TRAPPC9: variants seen among roughly 807,000 people sequenced by gnomAD.
The protein encoded by TRAPPC9 is trafficking protein particle complex subunit 9, also known as IKK2 binding protein.
In TRAPPC9, 83 loss-of-function variants were observed where a neutral mutation model predicts 124.0. That is an observed-to-expected ratio of 0.67 (90% confidence interval 0.56 to 0.80). TRAPPC9 has a LOEUF of 0.80. Ranked by LOEUF, TRAPPC9 falls within the 30% of genes least tolerant of loss-of-function variation. The pLI is 0.00. For missense variants in TRAPPC9, 1,302 were observed against 1,508.3 expected (o/e 0.86, Z 2.27); for synonymous variants, 638 against 617.5 (o/e 1.03, Z -0.49).
chr8:140,123,250 C>G (rs1296061629), intron 17 of TRAPPC9, among the ~76,000 whole-genome samples: 4 of 152,166 alleles, frequency 2.6e-5, no homozygotes, highest in Non-Finnish European at 4.4e-5. Flanking sequence ...CACTCTCACC[C>G]AAGCTCACAA....
Position 140,426,649 on chromosome 8 carries a change from A to G in TRAPPC9, c.860-8T>C. 6.2e-7 allele frequency: 1 copy of G among 1,613,500 alleles called. No individual in the cohort carries two copies. The highest frequency in any genetic ancestry group is 8.5e-7 in the Non-Finnish European group (1 of 1,179,494). On this transcript the variant is annotated splice_region_variant and splice_polypyrimidine_tract_variant and intron_variant, in intron 4 of 22. Transcript: ENST00000438773. ...TGAGAACTTCCTGTGCCCCTGGAAG[A>G]AAGAACAGATTATGGTATTTTATTT...
At chr8:140,033,657 G>GTTTTTTTTTTTTTTTTTTTT in intron 17 of TRAPPC9, among the ~76,000 whole-genome samples, 1 of 49,264 alleles carries the variant, frequency 2.0e-5, no homozygotes, top group Non-Finnish European at 5.7e-5. Flanking sequence ...TTCATAATGT[G>GTTTTTTTTTTTTTTTTTTTT]GTTTTTTTTT....
chr8:140,291,093 C>G lies in TRAPPC9; in HGVS notation c.1769-15G>C. The G allele has an allele frequency of 1.2e-6, 2 of 1,608,050 alleles. No homozygotes were observed. Among genetic ancestry groups the G allele is most frequent in the Non-Finnish European group, 1.7e-6 (2 of 1,174,382 alleles). Reference sequence around the variant, plus strand: ...CCACTGGAAATCTAGAAAATACACACACATAAATGAATCCATGTATTAGTT... The same window carrying G: ...CCACTGGAAATCTAGAAAATACACAGACATAAATGAATCCATGTATTAGTT... On this transcript the variant is annotated splice_polypyrimidine_tract_variant and intron_variant, in intron 11 of 22. Transcript: ENST00000438773.
upstream of TRAPPC9, chr8:140,458,166 G>A: frequency 2.0e-6 from 3 of 1,531,802 alleles, no homozygotes; most frequent in Non-Finnish European, 2.6e-6. Flanking sequence ...GATGGAGGGA[G>A]ATGGAGCGAG....
intron 21 of TRAPPC9, among the ~76,000 whole-genome samples, chr8:139,874,686 G>A (rs1006819511): frequency 6.6e-6 from 1 of 152,174 alleles, no homozygotes; most frequent in African/African-American, 2.4e-5. Flanking sequence ...AGATAGACAG[G>A]CCCAGGGAAG....
At chr8:139,770,462 C>G (rs917563590) in intron 21 of TRAPPC9, among the ~76,000 whole-genome samples, 4 of 152,224 alleles carry the variant, frequency 2.6e-5, no homozygotes, top group Non-Finnish European at 1.5e-5. Context: ...GTTCTCCAGG[C>G]ACGGGTTCAC....
intron 21 of TRAPPC9, among the ~76,000 whole-genome samples, chr8:139,758,880 T>C (rs903695636): frequency 1.2e-4 from 19 of 152,230 alleles, no homozygotes. Flanking sequence ...CCAAAGCCTG[T>C]GTTGCCTCCC....
At chr8:140,346,797 C>A (rs1016857627) in intron 9 of TRAPPC9, among the ~76,000 whole-genome samples, 1 of 152,180 alleles carries the variant, frequency 6.6e-6, no homozygotes, top group Non-Finnish European at 1.5e-5. Context: ...GAGAGAGATG[C>A]AAAGAAAATG....
intron 19 of TRAPPC9, among the ~76,000 whole-genome samples, chr8:139,922,284 A>C (rs1197706224): frequency 6.6e-6 from 1 of 152,060 alleles, no homozygotes; most frequent in African/African-American, 2.4e-5. Context: ...CGCAGGTTCA[A>C]GCGGTTCTCC....
chr8:140,144,789 A>C (rs1329409773), intron 17 of TRAPPC9, among the ~76,000 whole-genome samples: 1 of 150,584 alleles, frequency 6.6e-6, no homozygotes, highest in Non-Finnish European at 1.5e-5. Flanking sequence ...ACCCAGCTTT[A>C]ATTGTATTTT....
intron 17 of TRAPPC9, among the ~76,000 whole-genome samples, chr8:140,133,212 A>G (rs2061236643): frequency 6.6e-6 from 1 of 152,222 alleles, no homozygotes; most frequent in Non-Finnish European, 1.5e-5. Flanking sequence ...ACTATGTACC[A>G]TGACCAAGGG....
chr8:139,973,896 C>T (rs1036771352), intron 19 of TRAPPC9, among the ~76,000 whole-genome samples: 11 of 152,092 alleles, frequency 7.2e-5, no homozygotes, highest in Admixed American at 1.3e-4. Context: ...CGAGTCCCTG[C>T]GAACCTCCCC....
intron 21 of TRAPPC9, among the ~76,000 whole-genome samples, chr8:139,878,166 CA>C (rs1421475585): frequency 1.3e-5 from 2 of 152,210 alleles, no homozygotes; most frequent in Non-Finnish European, 2.9e-5. Context: ...ATCTTGTATT[CA>C]TTTGATAAAG....
intron 2 of TRAPPC9, among the ~76,000 whole-genome samples, chr8:140,445,309 C>A (rs917260477): frequency 6.6e-6 from 1 of 152,200 alleles, no homozygotes; most frequent in African/African-American, 2.4e-5. Context: ...GCAAGCTTCC[C>A]GTAAATGTGT....
At position 140,424,357 on chromosome 8, in the gene TRAPPC9, A is replaced by G. The variant is rs556007251; in HGVS notation, c.886+2258T>C. Among the ~76,000 whole-genome samples the G allele has an allele frequency of 8.5e-5, 13 of 152,236 alleles. No individual in the cohort carries two copies. The South Asian group carries it at 2.7e-3, about 32-fold the overall frequency. ...ATGTTTAGAAATTAAATTAAAAAAA[A>G]AAAAGATGCCAGGCACAGTGGCTCA... On this transcript the variant is annotated intron_variant, in intron 5 of 22. Coordinates refer to ENST00000438773, the MANE Select transcript of TRAPPC9 (RefSeq NM_001160372.4).
At chr8:140,407,131 T>C (rs923185585) in intron 5 of TRAPPC9, among the ~76,000 whole-genome samples, 2 of 152,208 alleles carry the variant, frequency 1.3e-5, no homozygotes, top group Admixed American at 6.5e-5. Context: ...AGAGTATTCT[T>C]AGTGTACCCC....
intron 19 of TRAPPC9, among the ~76,000 whole-genome samples, chr8:139,970,251 G>A (rs1234364681): frequency 3.3e-5 from 5 of 152,228 alleles, no homozygotes; most frequent in East Asian, 1.9e-4. Context: ...TGACGCTGGC[G>A]CCCGCAGCAT....
Position 140,058,702 on chromosome 8 carries a change from G to A in TRAPPC9, c.2557-34623C>T, listed in dbSNP as rs1241694391. On this transcript the variant is annotated intron_variant, in intron 17 of 22. Coordinates refer to ENST00000438773, the MANE Select transcript of TRAPPC9 (RefSeq NM_001160372.4). Reference sequence around the variant, plus strand: ...GGTTGCCAAGAAGGCCTGTGGGGACGAAAGAGAATGTGGAAGACAGACATT... The same window carrying A: ...GGTTGCCAAGAAGGCCTGTGGGGACAAAAGAGAATGTGGAAGACAGACATT... Among the ~76,000 whole-genome samples the A allele has an allele frequency of 2.0e-5, 3 of 152,246 alleles. No individual in the cohort carries two copies. In the East Asian group the frequency reaches 5.8e-4, roughly 29 times the overall value.
At position 140,055,103 on chromosome 8, in the gene TRAPPC9, C is replaced by T. The variant is rs187967508; in HGVS notation, c.2557-31024G>A. 3.9e-5 allele frequency among the ~76,000 whole-genome samples: 6 copies of T among 152,272 alleles called. No individual in the cohort carries two copies. In the East Asian group the frequency reaches 1.2e-3, roughly 29 times the overall value. ...CAAGAACCTTATTAAAAACTACAGG[C>T]TAATAACCCTGATTAACATGGACGC... On this transcript the variant is annotated intron_variant, in intron 17 of 22. Coordinates refer to ENST00000438773, the MANE Select transcript of TRAPPC9 (RefSeq NM_001160372.4).
Sources: gnomAD v4.1 joint callset for allele counts (sites outside exome capture counted in the v4.1 genomes callset) on GRCh38, gnomAD v4.1.1 for gene constraint, MANE v1.5 for transcripts, NCBI Gene and HGNC (gene_info 2026-07-23, HGNC 2026-07-21) for gene names.